Variants in MYO1D observed in about 807,000 individuals in gnomAD.
MYO1D encodes unconventional myosin-Id.
Under a neutral mutation model 122.0 loss-of-function variants are expected in MYO1D, and 83 were observed. That is an observed-to-expected ratio of 0.68 (90% confidence interval 0.57 to 0.82). MYO1D has a LOEUF of 0.82. MYO1D is among the 40% of genes least tolerant of loss of function. The pLI is 0.00. For missense variants in MYO1D, 1,157 were observed against 1,269.5 expected (o/e 0.91, Z 1.35); for synonymous variants, 464 against 446.9 (o/e 1.04, Z -0.48).
chr17:32,651,218 C>T (rs1282885905), intron 19 of MYO1D, among the ~76,000 whole-genome samples: 4 of 152,224 alleles, frequency 2.6e-5, no homozygotes, highest in Non-Finnish European at 1.5e-5. Flanking sequence ...ACAGGCACTA[C>T]TTGCAACCCT....
intron 19 of MYO1D, among the ~76,000 whole-genome samples, chr17:32,640,060 C>T (rs938497911): frequency 2.6e-5 from 4 of 152,156 alleles, no homozygotes; most frequent in South Asian, 2.1e-4. Flanking sequence ...ATTCAATCTT[C>T]TCCCCTTTGC....
At chr17:32,770,569 A>G (rs1476849064) in intron 6 of MYO1D, among the ~76,000 whole-genome samples, 2 of 152,176 alleles carry the variant, frequency 1.3e-5, no homozygotes, top group Non-Finnish European at 2.9e-5. Context: ...AACTAGAAAT[A>G]AAAGAGCAAA....
chr17:32,630,729 C>T (rs2087993596), intron 20 of MYO1D, among the ~76,000 whole-genome samples: 1 of 152,170 alleles, frequency 6.6e-6, no homozygotes, highest in Non-Finnish European at 1.5e-5. Flanking sequence ...CCTGCCGCCA[C>T]ATCTGGCTAT....
chr17:32,759,188 T>C (rs919931156), intron 10 of MYO1D, among the ~76,000 whole-genome samples: 4 of 152,146 alleles, frequency 2.6e-5, no homozygotes, highest in African/African-American at 9.6e-5. Flanking sequence ...AAACTATAGA[T>C]AATTCTTATA....
At chr17:32,614,072 ATT>A (rs527897976) in intron 20 of MYO1D, among the ~76,000 whole-genome samples, 32,340 of 126,312 alleles carry the variant, frequency 0.26, 3,931 homozygotes, top group Middle Eastern at 0.34. Flanking sequence ...TAATGTTTTA[ATT>A]TTTTTTTTTT....
At chr17:32,769,866 A>G (rs2090096243) in intron 6 of MYO1D, among the ~76,000 whole-genome samples, 1 of 152,046 alleles carries the variant, frequency 6.6e-6, no homozygotes, top group African/African-American at 2.4e-5. Flanking sequence ...TTTAACCTAG[A>G]AAAAAGGCTA....
chr17:32,796,144 A>G (rs773320839), intron 1 of MYO1D, among the ~76,000 whole-genome samples: 9 of 152,154 alleles, frequency 5.9e-5, no homozygotes, highest in Non-Finnish European at 1.2e-4. Context: ...ATAGGGCTCA[A>G]TATTTATATA....
At chr17:32,834,402 G>A (rs995467537) in intron 1 of MYO1D, among the ~76,000 whole-genome samples, 1 of 152,180 alleles carries the variant, frequency 6.6e-6, no homozygotes, top group African/African-American at 2.4e-5. Flanking sequence ...CAGTGCCTGT[G>A]GGTAAGGCCA....
chr17:32,727,141 CAT>C (rs2089586879), intron 14 of MYO1D, among the ~76,000 whole-genome samples: 1 of 152,098 alleles, frequency 6.6e-6, no homozygotes, highest in African/African-American at 2.4e-5. Flanking sequence ...TCAGAATACT[CAT>C]AGGCCACATT....
chr17:32,687,130 C>T (rs2089025359), intron 16 of MYO1D, among the ~76,000 whole-genome samples: 1 of 149,850 alleles, frequency 6.7e-6, no homozygotes, highest in South Asian at 2.1e-4. Context: ...TCCCCCTTAC[C>T]CCCCGCCCGC....
intron 21 of MYO1D, among the ~76,000 whole-genome samples, chr17:32,544,993 C>G (rs1037828909): frequency 6.6e-6 from 1 of 152,170 alleles, no homozygotes; most frequent in Non-Finnish European, 1.5e-5. Flanking sequence ...TGGGCACAGA[C>G]CTTGTCCACC....
rs1385693336 is a variant in MYO1D, at chr17:32,876,767, TC to T, written c.95+10del. ...GCCTCGCGCCCCTGCGCGCGGCCGC[TC>T]CGCCCTCACCTGAGCCTGAGGTTGG... On this transcript the variant is annotated intron_variant, in intron 1 of 21. Transcript: ENST00000318217. 3 of 1,498,208 alleles carry T rather than the reference TC, an allele frequency of 2.0e-6. No homozygotes were observed. Among genetic ancestry groups the T allele is most frequent in the Non-Finnish European group, 2.7e-6 (3 of 1,122,904 alleles). 92.8% of individuals were successfully genotyped at this position (1,498,208 alleles called of 1,614,324 possible).
intron 20 of MYO1D, among the ~76,000 whole-genome samples, chr17:32,629,154 T>A: frequency 7.6e-6 from 1 of 132,222 alleles, no homozygotes; most frequent in East Asian, 2.2e-4. Context: ...TCTAATTATA[T>A]GACATTCTAG....
At chr17:32,876,553 G>A (rs2151097100) in intron 1 of MYO1D, among the ~76,000 whole-genome samples, 1 of 152,236 alleles carries the variant, frequency 6.6e-6, no homozygotes. Context: ...CGGCCCTTGA[G>A]CTCGACACGC....
intron 1 of MYO1D, among the ~76,000 whole-genome samples, chr17:32,861,900 C>T (rs1426934786): frequency 1.3e-5 from 2 of 152,118 alleles, no homozygotes; most frequent in Non-Finnish European, 2.9e-5. Flanking sequence ...CGCCTGTAGT[C>T]CCCGCTACTC....
At chr17:32,625,556 AT>A (rs34078824) in intron 20 of MYO1D, among the ~76,000 whole-genome samples, 27 of 149,570 alleles carry the variant, frequency 1.8e-4, no homozygotes, top group South Asian at 2.1e-4. Flanking sequence ...TTAAAACAGG[AT>A]TTTTTTTTTT....
At chr17:32,549,822 C>A (rs185642373) in intron 21 of MYO1D, among the ~76,000 whole-genome samples, 4 of 152,230 alleles carry the variant, frequency 2.6e-5, no homozygotes, top group Non-Finnish European at 5.9e-5. Context: ...GGAAGTATTG[C>A]GAAATAGGAG....
In MYO1D at chr17:32,626,780, T is replaced by C. The variant is rs8073879; in HGVS notation, c.2709+11942A>G. Among the ~76,000 whole-genome samples the C allele has an allele frequency of 2.3e-3, 357 of 152,334 alleles. 5 individuals are homozygous for C. Among genetic ancestry groups the C allele is most frequent in the African/African-American group, 8.1e-3 (337 of 41,576 alleles). ...AACGGGGGAGCTCTGAAATTCTGAC[T>C]TCTTTCTCTCTTATTAACAAAAAAA... On this transcript the variant is annotated intron_variant, in intron 20 of 21. Coordinates refer to ENST00000318217, the MANE Select transcript of MYO1D (RefSeq NM_015194.3).
At chr17:32,664,605 A>G (rs974554780) in intron 16 of MYO1D, among the ~76,000 whole-genome samples, 3 of 152,202 alleles carry the variant, frequency 2.0e-5, no homozygotes, top group African/African-American at 2.4e-5. Flanking sequence ...TGAAGGACAC[A>G]CACTGGGACC....
Sources: gnomAD v4.1 joint callset for allele counts (sites outside exome capture counted in the v4.1 genomes callset) on GRCh38, gnomAD v4.1.1 for gene constraint, MANE v1.5 for transcripts, NCBI Gene and HGNC (gene_info 2026-07-23, HGNC 2026-07-21) for gene names.